RASGRF1: variants seen among roughly 807,000 people sequenced by gnomAD.
RASGRF1 encodes the protein Ras protein specific guanine nucleotide releasing factor 1, also known as ras-specific guanine nucleotide-releasing factor 1.
Under a neutral mutation model 138.7 loss-of-function variants are expected in RASGRF1, and 40 were observed. The observed-to-expected ratio is 0.29, with a 90% CI of 0.22 to 0.38. The LOEUF is 0.38. Ranked by LOEUF, RASGRF1 falls within the 10% of genes least tolerant of loss-of-function variation. The pLI is 1.00. For synonymous variants in RASGRF1, 614 were observed against 663.2 expected, an observed-to-expected ratio of 0.93 and a Z score of 1.14; for missense variants, 1,108 against 1,650.4, an observed-to-expected ratio of 0.67 and a Z score of 5.69.
At chr15:79,009,950 C>CCTGA (rs1321739511) in intron 13 of RASGRF1, among the ~76,000 whole-genome samples, 1 of 151,738 alleles carries the variant, frequency 6.6e-6, no homozygotes, top group Non-Finnish European at 1.5e-5. Flanking sequence ...GTCTGGAACT[C>CCTGA]CTGACCTTGT....
intron 16 of RASGRF1, among the ~76,000 whole-genome samples, chr15:79,001,039 T>C (rs891978534): frequency 6.6e-6 from 1 of 152,186 alleles, no homozygotes; most frequent in African/African-American, 2.4e-5. Flanking sequence ...CCCCCTTGTA[T>C]AGGGGAAAGG....
At chr15:78,997,055 C>G (rs1476388753) in intron 19 of RASGRF1, among the ~76,000 whole-genome samples, 2 of 152,200 alleles carry the variant, frequency 1.3e-5, no homozygotes, top group Non-Finnish European at 2.9e-5. Context: ...AAAGTGACAC[C>G]CGTGATCTCA....
intron 10 of RASGRF1, 124 bp downstream of exon 10, chr15:79,025,190 G>C: frequency 1.8e-6 from 2 of 1,091,300 alleles, no homozygotes; most frequent in Non-Finnish European, 2.5e-6. Context: ...ATATCTGTGT[G>C]TGTGTGCATG....
rs886632263 is a variant in RASGRF1 at position 78,979,200 on chromosome 15, C to T, written c.3494+1420G>A. 2.4e-6 allele frequency: 3 copies of T among 1,266,032 alleles called. No homozygotes were observed. In the South Asian group the frequency reaches 3.9e-5, roughly 16 times the overall value. The allele number at this position is 1,266,032 out of a possible 1,614,324, so 78.4% of individuals were successfully genotyped here. A position where few individuals can be genotyped will look rare whatever the true frequency, so the allele number is the denominator to read the frequency against. ...GGCTGGACAGCACAGATGGGTGCAA[C>T]ATCTGTCTGAGGACACAAACAAAGT... On this transcript the variant is annotated intron_variant, in intron 24 of 26. Transcript: ENST00000558480.
At chr15:79,019,913 A>G in intron 11 of RASGRF1, 128 bp downstream of exon 11, 3 of 1,099,444 alleles carry the variant, frequency 2.7e-6, no homozygotes, top group Non-Finnish European at 4.0e-6. Flanking sequence ...GCATGTGTGG[A>G]CCTCCCCTCC....
intron 12 of RASGRF1, among the ~76,000 whole-genome samples, chr15:79,016,110 C>T (rs2056875715): frequency 6.6e-6 from 1 of 152,244 alleles, no homozygotes; most frequent in Non-Finnish European, 1.5e-5. Flanking sequence ...TTCCCCTGCA[C>T]TGTCCCCTGC....
At chr15:78,989,248 CAG>C (rs2056222256) in intron 22 of RASGRF1, among the ~76,000 whole-genome samples, 1 of 152,136 alleles carries the variant, frequency 6.6e-6, no homozygotes, top group African/African-American at 2.4e-5. Context: ...GTGTGCCAAT[CAG>C]AGTCAGTCCA....
chr15:78,971,964 C>A, intron 25 of RASGRF1, 30 bp from the exon 26 acceptor site: 6 of 1,536,478 alleles, frequency 3.9e-6, no homozygotes, highest in Middle Eastern at 1.7e-4. Flanking sequence ...TTTCAGAATG[C>A]AGTTTGCTCT....
intron 1 of RASGRF1, among the ~76,000 whole-genome samples, chr15:79,069,748 C>A (rs7174521): frequency 0.83 from 126,379 of 152,206 alleles, 55,014 homozygotes; most frequent in East Asian, 1. Flanking sequence ...ATTGCTTCTT[C>A]TTGGGTCCTT....
At chr15:79,031,304 C>G in intron 8 of RASGRF1, 96 bp downstream of exon 8, 1 of 961,084 alleles carries the variant, frequency 1.0e-6, no homozygotes, top group South Asian at 1.6e-5. Context: ...CCCATCTGAA[C>G]TCAAGCTTTG....
At chr15:79,036,495 C>A (rs2057224211) in intron 5 of RASGRF1, among the ~76,000 whole-genome samples, 1 of 152,206 alleles carries the variant, frequency 6.6e-6, no homozygotes, top group South Asian at 2.1e-4. Flanking sequence ...GGGGTGCTGG[C>A]CCTTCTCCCA....
At position 78,982,138 on chromosome 15, in the gene RASGRF1, G is replaced by A. The variant is rs559106875; in HGVS notation, c.3415-1439C>T. ...CCTCAGTGTCCCCATCTGGAAAATGGGAGGGTAAGTCCAGGTGTTCCCTAA... is the reference window on the plus strand; with the variant it reads ...CCTCAGTGTCCCCATCTGGAAAATGAGAGGGTAAGTCCAGGTGTTCCCTAA... On this transcript the variant is annotated intron_variant, in intron 23 of 26. Coordinates refer to ENST00000558480, the MANE Select transcript of RASGRF1 (RefSeq NM_001145648.3). 3.2e-4 allele frequency among the ~76,000 whole-genome samples: 48 copies of A among 152,300 alleles called. No individual in the cohort carries two copies. In the South Asian group the frequency reaches 9.3e-3, roughly 30 times the overall value.
chr15:79,002,302 T>C (rs2056547860), intron 15 of RASGRF1, among the ~76,000 whole-genome samples: 1 of 152,166 alleles, frequency 6.6e-6, no homozygotes. Context: ...TATAGAGGCT[T>C]CCTAATCTTG....
At position 79,027,956 on chromosome 15, in the gene RASGRF1, C is replaced by A; in HGVS notation, c.1263-97G>T. The A allele has an allele frequency of 8.1e-7, 1 of 1,239,226 alleles. No individual in the cohort carries two copies. The highest frequency in any genetic ancestry group is 1.2e-6 in the Non-Finnish European group (1 of 856,538). 76.8% of individuals were successfully genotyped at this position (1,239,226 alleles called of 1,614,324 possible). ...TTCTGGCCAGACCTAGGAAGAAAGC[C>A]TGGCACAAGGATTCTCAGGTGGAGT... On this transcript the variant is annotated intron_variant, in intron 8 of 26. Coordinates refer to ENST00000558480, the MANE Select transcript of RASGRF1 (RefSeq NM_001145648.3). The surrounding 1 kb of genome is among the most constrained non-coding windows in gnomAD (Gnocchi z 4.8).
At position 79,025,395 on chromosome 15, in the gene RASGRF1, C is replaced by T; in HGVS notation, c.1461G>A (p.Glu487=). 8.1e-6 allele frequency: 13 copies of T among 1,614,058 alleles called. No homozygotes were observed. The highest frequency in any genetic ancestry group is 1.1e-5 in the Non-Finnish European group (13 of 1,179,964). ...AAAACAGGAAGCACTGTCGCTCGCC[C>T]TCTTTCTTTAGGGAGAGAGACCCCA... ...GRLGSLSLKK[E]GERQCFLFSK... is the part of the protein sequence containing the mutation. Residue 487 remains glutamate (E), a synonymous_variant, in exon 10 of 27, where the codon GAG becomes GAA. Coordinates refer to ENST00000558480, the MANE Select transcript of RASGRF1 (RefSeq NM_001145648.3).
chr15:79,052,582 A>T (rs1302318490), intron 3 of RASGRF1, among the ~76,000 whole-genome samples: 2 of 152,206 alleles, frequency 1.3e-5, no homozygotes, highest in African/African-American at 2.4e-5. Context: ...AGGCATTCAT[A>T]GAGGTGGCTT....
At chr15:79,037,921 G>C (rs184351853) in intron 5 of RASGRF1, among the ~76,000 whole-genome samples, 1 of 152,060 alleles carries the variant, frequency 6.6e-6, no homozygotes, top group East Asian at 1.9e-4. Flanking sequence ...ATTGTCATAA[G>C]GAGCACGCAA....
At chr15:79,047,099 T>G in intron 4 of RASGRF1, 100 bp from the exon 5 acceptor site, 1 of 1,440,006 alleles carries the variant, frequency 6.9e-7, no homozygotes, top group Non-Finnish European at 9.4e-7. Flanking sequence ...ACCAAGGCTT[T>G]GTTATTCCTA....
At chr15:79,076,833 T>C (rs766352205) in intron 1 of RASGRF1, among the ~76,000 whole-genome samples, 5 of 152,164 alleles carry the variant, frequency 3.3e-5, no homozygotes, top group Non-Finnish European at 7.3e-5. Context: ...GACCAAGAAC[T>C]CTCCCTGGAG....
Sources: allele counts gnomAD v4.1 joint callset (sites outside exome capture counted in the v4.1 genomes callset), GRCh38; gene constraint gnomAD v4.1.1; non-coding constraint Gnocchi (gnomAD v3.1); transcripts MANE v1.5; gene names NCBI Gene and HGNC (gene_info 2026-07-23, HGNC 2026-07-21).